Variants in TUBB6 observed in about 807,000 individuals in gnomAD.
TUBB6 encodes the protein tubulin beta 6 class V.
A neutral mutation model predicts 32.3 loss-of-function variants in TUBB6; 18 were observed. That is an observed-to-expected ratio of 0.56 (90% CI 0.39 to 0.83). The LOEUF is 0.83. Among genes scored for constraint, TUBB6 ranks in the 40% least tolerant of loss-of-function variants. The pLI, the probability that TUBB6 is intolerant of heterozygous loss-of-function variation, is 0.00. For missense variants in TUBB6, 480 were observed against 632.0 expected (o/e 0.76, Z 2.58); for synonymous variants, 280 against 265.8 (o/e 1.05, Z -0.52).
intron 2 of TUBB6, 32 bp from the exon 3 acceptor site, chr18:12,310,911 T>C: frequency 1.3e-6 from 2 of 1,502,160 alleles, no homozygotes; most frequent in Non-Finnish European, 1.8e-6. Context: ...AACCTGAAAG[T>C]AACTCTTGTG....
At chr18:12,328,852 T>G (rs1427343149), downstream of TUBB6, 2 of 327,298 alleles carry the variant, frequency 6.1e-6, no homozygotes, top group Non-Finnish European at 1.1e-5. Flanking sequence ...GAGGCTGAGA[T>G]TTTGAAGGAT....
In TUBB6 at chr18:12,317,340, G is replaced by A. The variant is rs538412402; in HGVS notation, c.277+6287G>A. On this transcript the variant is annotated intron_variant, in intron 3 of 3. Coordinates refer to ENST00000317702, the MANE Select transcript of TUBB6 (RefSeq NM_032525.3). ...AGCTAGGCGTGGTGGTGTGCACCTG[G>A]GGTCCCAGCTATTCAGGAGGCTGAG... 2.4e-4 allele frequency among the ~76,000 whole-genome samples: 37 copies of A among 151,996 alleles called. 2 individuals carry two copies. The South Asian group carries it at 7.1e-3, about 29-fold the overall frequency.
At chr18:12,314,963 CTT>C (rs5823207) in intron 3 of TUBB6, among the ~76,000 whole-genome samples, 119,128 of 150,886 alleles carry the variant, frequency 0.79, 48,026 homozygotes, top group Non-Finnish European at 0.88. Context: ...TTAAACTTTG[CTT>C]TTTTTTTTTA....
chr18:12,327,588 A>T (rs1907380219), downstream of TUBB6, among the ~76,000 whole-genome samples: 1 of 152,164 alleles, frequency 6.6e-6, no homozygotes, highest in African/African-American at 2.4e-5. Context: ...CACCACCCAC[A>T]TCTGTCCTGA....
At position 12,311,034 on chromosome 18, in the gene TUBB6, G is replaced by T; in HGVS notation, c.258G>T (p.Arg86=). Residue 86 remains arginine (R), a synonymous_variant, in exon 3 of 4, where the codon CGG becomes CGT. Transcript: ENST00000317702. The part of the protein sequence containing the change: ...VRSGPFGQLF[R]PDNFIFGQTG... ...CTGGGCCTTTTGGGCAGCTTTTCCG[G>T]CCTGACAACTTCATCTTTGGTAGGT... 6.2e-7 allele frequency: 1 copy of T among 1,613,104 alleles called. No homozygotes were observed. The highest frequency in any genetic ancestry group is 8.5e-7 in the Non-Finnish European group (1 of 1,179,544).
intron 3 of TUBB6, chr18:12,324,715 T>TG: frequency 8.6e-7 from 1 of 1,164,644 alleles, no homozygotes; most frequent in South Asian, 4.2e-5. Context: ...CCTCCCAAAG[T>TG]GCTGGGATTA....
At chr18:12,316,454 G>T (rs1184845542) in intron 3 of TUBB6, among the ~76,000 whole-genome samples, 2 of 152,156 alleles carry the variant, frequency 1.3e-5, no homozygotes, top group African/African-American at 4.8e-5. Context: ...CCCCGAAATT[G>T]CTTCTTGCAT....
chr18:12,329,367 A>ACTT, downstream of TUBB6: 1 of 678,072 alleles, frequency 1.5e-6, no homozygotes, highest in South Asian at 1.6e-5. Flanking sequence ...ATTTCCCTCA[A>ACTT]GGCCTCCGGA....
Position 12,325,579 on chromosome 18 carries a change from C to T in TUBB6, c.790C>T (p.His264Tyr). 1 of 1,614,072 alleles carries T rather than the reference C, an allele frequency of 6.2e-7. No homozygotes were observed. The highest frequency in any genetic ancestry group is 8.5e-7 in the Non-Finnish European group (1 of 1,180,022). ...AVNMVPFPRLHFFMPGFAPLT... is the reference protein window; with the variant it reads ...AVNMVPFPRLYFFMPGFAPLT... Reference sequence around the variant, plus strand: ...GAACATGGTGCCCTTCCCGCGCCTGCACTTCTTCATGCCTGGCTTCGCGCC... The same window carrying T: ...GAACATGGTGCCCTTCCCGCGCCTGTACTTCTTCATGCCTGGCTTCGCGCC... Residue 264 changes from histidine to tyrosine, a missense_variant, in exon 4 of 4, where the codon CAC becomes TAC. Physicochemically the swap from His to Tyr is moderately conservative, Grantham distance 83. Transcript: ENST00000317702.
intron 3 of TUBB6, chr18:12,324,742 C>A: frequency 8.0e-7 from 1 of 1,254,576 alleles, no homozygotes; most frequent in Non-Finnish European, 1.0e-6. Context: ...TGAGCCACGG[C>A]GCCCGGCCAG....
rs1368400253 is a variant in TUBB6, at chr18:12,325,112, A to C, written c.323A>C (p.Glu108Ala). 8 of 1,596,302 alleles carry C rather than the reference A, an allele frequency of 5.0e-6. No homozygotes were observed. Among genetic ancestry groups the C allele is most frequent in the South Asian group, 3.4e-5 (3 of 88,160 alleles). The change falls in exon 4 of 4, where the codon GAG (glutamate) becomes GCG (alanine). Residue 108 changes from glutamate (E) to alanine (A), a missense_variant. Transcript: ENST00000317702. ...GNNWAKGHYT[E>A]GAELVDAVLD... The stretch of plus-strand genomic sequence containing the variant: ...AACTGGGCGAAAGGGCACTACACGG[A>C]GGGCGCGGAGCTGGTGGACGCAGTG...
chr18:12,324,776 CTT>C, intron 3 of TUBB6: 1 of 1,294,438 alleles, frequency 7.7e-7, no homozygotes, highest in African/African-American at 1.5e-5. Flanking sequence ...TAATGTATAC[CTT>C]TTGTTCCCTT....
chr18:12,329,439 C>T, downstream of TUBB6: 1 of 1,028,796 alleles, frequency 9.7e-7, no homozygotes, highest in Non-Finnish European at 1.5e-6. Context: ...CTTTCCCCAT[C>T]ATTTCAGCTG....
intron 3 of TUBB6, chr18:12,324,797 A>G (rs571846729): frequency 7.7e-7 from 1 of 1,304,812 alleles, no homozygotes; most frequent in South Asian, 3.0e-5. Context: ...TTTGAATTCT[A>G]CCATGTGCAA....
intron 3 of TUBB6, among the ~76,000 whole-genome samples, chr18:12,321,715 G>A (rs988735488): frequency 6.6e-6 from 1 of 152,158 alleles, no homozygotes; most frequent in African/African-American, 2.4e-5. Flanking sequence ...ATAATGCAAT[G>A]CAAGTTTTTA....
chr18:12,317,039 C>T (rs1161833017), intron 3 of TUBB6, among the ~76,000 whole-genome samples: 1 of 151,902 alleles, frequency 6.6e-6, no homozygotes, highest in Non-Finnish European at 1.5e-5. Flanking sequence ...GCCTGTAATC[C>T]CAGCTACTCG....
intron 3 of TUBB6, among the ~76,000 whole-genome samples, chr18:12,322,127 CCT>C (rs1907020827): frequency 6.6e-6 from 1 of 150,892 alleles, no homozygotes; most frequent in Non-Finnish European, 1.5e-5. Context: ...GTGGTGAAAC[CCT>C]CTCTCTACTA....
At chr18:12,312,958 C>A (rs951908812) in intron 3 of TUBB6, among the ~76,000 whole-genome samples, 1 of 138,784 alleles carries the variant, frequency 7.2e-6, no homozygotes, top group Non-Finnish European at 1.5e-5. Flanking sequence ...AAGATCGCAC[C>A]ATTGCACTCC....
intron 3 of TUBB6, among the ~76,000 whole-genome samples, chr18:12,323,034 GGTATCTA>G (rs1302486701): frequency 3.7e-4 from 56 of 152,084 alleles, no homozygotes; most frequent in African/African-American, 1.2e-3. Context: ...ATAAATGAGA[GGTATCTA>G]GTATCTAGTT....
Sources: allele counts gnomAD v4.1 joint callset (sites outside exome capture counted in the v4.1 genomes callset), GRCh38; gene constraint gnomAD v4.1.1; transcripts MANE v1.5; gene names NCBI Gene and HGNC (gene_info 2026-07-23, HGNC 2026-07-21).